HRH1: variants seen among roughly 807,000 people sequenced by gnomAD.
HRH1 encodes the protein histamine receptor H1.
In HRH1, 6 loss-of-function variants were observed where a neutral mutation model predicts 10.3. The observed-to-expected ratio is 0.58, with a 90% CI of 0.32 to 1.15. HRH1 has a LOEUF of 1.15. Ranked by LOEUF, HRH1 falls within the 50% of genes most tolerant of loss-of-function variation. HRH1 has a pLI of 0.05. For missense variants in HRH1, 514 were observed against 615.3 expected, an observed-to-expected ratio of 0.84 and a Z score of 1.74; for synonymous variants, 242 against 236.7, an observed-to-expected ratio of 1.02 and a Z score of -0.21.
intron 1 of HRH1, among the ~76,000 whole-genome samples, chr3:11,168,779 T>C (rs1331341635): frequency 6.6e-6 from 1 of 152,198 alleles, no homozygotes; most frequent in South Asian, 2.1e-4. Context: ...TCCTCTAATA[T>C]GGGGTTTACC....
chr3:11,144,786 G>T (rs1349840469), intron 1 of HRH1, among the ~76,000 whole-genome samples: 1 of 151,920 alleles, frequency 6.6e-6, no homozygotes, highest in Non-Finnish European at 1.5e-5. Context: ...TTCCTGAATT[G>T]CTTGAACCCA....
intron 1 of HRH1, among the ~76,000 whole-genome samples, chr3:11,254,983 A>C (rs370439778): frequency 6.6e-6 from 1 of 152,214 alleles, no homozygotes; most frequent in Admixed American, 6.5e-5. Context: ...AATAGGGTCT[A>C]TTAGGTGGGA....
chr3:11,219,780 G>T lies in HRH1; in HGVS notation c.-35-39223G>T, dbSNP rs547042979. On this transcript the variant is annotated intron_variant, in intron 1 of 1. Transcript: ENST00000431010. ...TGTGTAACAATTCAATCAATGCACT[G>T]GTATCTGCTGCAAGACACGTCCATT... Among the ~76,000 whole-genome samples, 8 of 150,740 alleles carry T rather than the reference G, an allele frequency of 5.3e-5. No homozygotes were observed. The South Asian group carries it at 1.7e-3, about 32-fold the overall frequency.
chr3:11,154,762 T>A lies in HRH1; in HGVS notation c.-36+208T>A, dbSNP rs1198713317. On this transcript the variant is annotated intron_variant, in intron 1 of 1. Transcript: ENST00000431010. This position sits in a 1 kb window ranked among gnomAD's most constrained non-coding sequence, Gnocchi z 4.4. ...AGGGCGGCTCGCTCGGTGGCACCGC[T>A]CCCCTCTCCACACTGTGGCCTCAGC... Among the ~76,000 whole-genome samples the A allele has an allele frequency of 1.3e-5, 2 of 151,836 alleles. No individual in the cohort carries two copies. The highest frequency in any genetic ancestry group is 4.8e-5 in the African/African-American group (2 of 41,336).
At chr3:11,249,342 G>T (rs868820574) in intron 1 of HRH1, among the ~76,000 whole-genome samples, 3 of 146,662 alleles carry the variant, frequency 2.0e-5, no homozygotes, top group South Asian at 2.2e-4. Context: ...GGCAGAGCTT[G>T]CAGTGAGCCG....
At chr3:11,221,413 G>A (rs1452347166) in intron 1 of HRH1, among the ~76,000 whole-genome samples, 1 of 151,762 alleles carries the variant, frequency 6.6e-6, no homozygotes. Flanking sequence ...AAATTAGCCG[G>A]CCATGGCAGC....
chr3:11,142,180 GC>G lies in HRH1; in HGVS notation c.-36+4785del, dbSNP rs569031914. ...GAGGGAAAATCACCAAAGACTGGCA[GC>G]CCCTTTGGCAGAAACGGGTGGAAGA... On this transcript the variant is annotated intron_variant, in intron 1 of 1. Transcript: ENST00000438284. 2.8e-3 allele frequency among the ~76,000 whole-genome samples: 419 copies of G among 152,312 alleles called. 2 individuals carry two copies. The highest frequency in any genetic ancestry group is 9.7e-3 in the African/African-American group (403 of 41,574).
rs374588407 is a variant in HRH1 at position 11,245,899 on chromosome 3, G to A, written c.-35-13104G>A. Among the ~76,000 whole-genome samples the A allele has an allele frequency of 2.6e-4, 40 of 152,004 alleles. No individual in the cohort carries two copies. In the South Asian group the frequency reaches 8.1e-3, roughly 31 times the overall value. ...CGAACTGTTTACTCAAGGTGCACAT[G>A]CTCTCACACACACACTCTTAGACAC... On this transcript the variant is annotated intron_variant, in intron 1 of 1. Coordinates refer to ENST00000431010, the MANE Select transcript of HRH1 (RefSeq NM_001098212.2).
intron 1 of HRH1, among the ~76,000 whole-genome samples, chr3:11,209,792 T>C (rs377634985): frequency 2.0e-3 from 299 of 152,332 alleles, no homozygotes; most frequent in African/African-American, 7.1e-3. Flanking sequence ...ATTAGTACTC[T>C]ATTTTACAGA....
chr3:11,239,099 A>G (rs1443492890), intron 1 of HRH1, among the ~76,000 whole-genome samples: 3 of 152,256 alleles, frequency 2.0e-5, no homozygotes, highest in Non-Finnish European at 4.4e-5. Context: ...TGCTTTTCAC[A>G]GTAGCTGCAC....
chr3:11,163,616 T>C (rs1197983488), intron 1 of HRH1, among the ~76,000 whole-genome samples: 1 of 152,194 alleles, frequency 6.6e-6, no homozygotes, highest in Non-Finnish European at 1.5e-5. Context: ...TTGTGAGGCC[T>C]CACCCCTATA....
At chr3:11,201,331 GC>G (rs1421475849) in intron 1 of HRH1, among the ~76,000 whole-genome samples, 1 of 152,206 alleles carries the variant, frequency 6.6e-6, no homozygotes. Flanking sequence ...GATGGAGGAA[GC>G]CCTTTCATAG....
At chr3:11,176,603 G>A (rs1242505183) in intron 1 of HRH1, among the ~76,000 whole-genome samples, 1 of 152,176 alleles carries the variant, frequency 6.6e-6, no homozygotes, top group Non-Finnish European at 1.5e-5. Flanking sequence ...AAGGTGCCCA[G>A]TGTTTCTGGT....
At chr3:11,221,980 T>C (rs182551719) in intron 1 of HRH1, among the ~76,000 whole-genome samples, 1 of 152,328 alleles carries the variant, frequency 6.6e-6, no homozygotes, top group African/African-American at 2.4e-5. Context: ...CCACATTCTG[T>C]TTCCCCATTC....
rs188905606 is a variant in HRH1, at chr3:11,227,582, G to A, written c.-35-31421G>A. Among the ~76,000 whole-genome samples the A allele has an allele frequency of 1.1e-4, 16 of 152,194 alleles. No individual in the cohort carries two copies. In the East Asian group the frequency reaches 1.2e-3, roughly 11 times the overall value. On this transcript the variant is annotated intron_variant, in intron 1 of 1. Coordinates refer to ENST00000431010, the MANE Select transcript of HRH1 (RefSeq NM_001098212.2). ...ATTACAGACGTGAGCCACCACGCCC[G>A]GCCTTACCTTTTCATTATGTAAATA...
chr3:11,260,042 G>A lies in HRH1; in HGVS notation c.1005G>A (p.Glu335=). The A allele has an allele frequency of 1.2e-6, 2 of 1,614,180 alleles. No individual in the cohort carries two copies. The highest frequency in any genetic ancestry group is 2.2e-5 in the East Asian group (1 of 44,878). The change falls in exon 2 of 2, where the codon GAG becomes GAA. Residue 335 remains glutamate, a synonymous_variant. Coordinates refer to ENST00000431010, the MANE Select transcript of HRH1 (RefSeq NM_001098212.2). ...NRSHGQLKTD[E]QGLNTHGASE... ...GCCATGGCCAGCTCAAGACAGATGA[G>A]CAGGGCCTGAACACACATGGGGCCA...
intron 1 of HRH1, among the ~76,000 whole-genome samples, chr3:11,167,363 C>T (rs1205899073): frequency 3.1e-5 from 2 of 63,876 alleles, no homozygotes; most frequent in East Asian, 5.4e-4. Context: ...TCTCCAGGCC[C>T]GTGACATCTG....
intron 1 of HRH1, among the ~76,000 whole-genome samples, chr3:11,200,970 A>G (rs1937881651): frequency 6.6e-6 from 1 of 152,216 alleles, no homozygotes; most frequent in Admixed American, 6.5e-5. Context: ...CTGAGGGTCT[A>G]GAGTAGAATT....
chr3:11,170,180 T>C lies in HRH1; in HGVS notation c.-36+15626T>C, dbSNP rs143005388. Among the ~76,000 whole-genome samples the C allele has an allele frequency of 2.7e-3, 411 of 152,332 alleles. 2 individuals carry two copies. The highest frequency in any genetic ancestry group is 9.5e-3 in the African/African-American group (393 of 41,566). ...ATGATCCGTTCAAGGGTTTGAAAGC[T>C]GGAGCTGCTTTCCATGAGTTAGCCC... On this transcript the variant is annotated intron_variant, in intron 1 of 1. Coordinates refer to ENST00000431010, the MANE Select transcript of HRH1 (RefSeq NM_001098212.2).
Sources: gnomAD v4.1 joint callset for allele counts (sites outside exome capture counted in the v4.1 genomes callset) on GRCh38, gnomAD v4.1.1 for gene constraint, Gnocchi (gnomAD v3.1) non-coding constraint, MANE v1.5 for transcripts, NCBI Gene and HGNC (gene_info 2026-07-23, HGNC 2026-07-21) for gene names.